Variants in PSMB11 observed in about 807,000 individuals in gnomAD.
The protein encoded by PSMB11 is proteasome subunit beta 11, also known as proteasome subunit beta type-11.
For synonymous variants in PSMB11, 163 were observed against 167.7 expected (o/e 0.97, Z 0.22); for missense variants, 411 against 408.2 (o/e 1.01, Z -0.06).
rs2047025095 is a variant in PSMB11 at position 23,043,382 on chromosome 14, A to C, written c.*254A>C. On this transcript the variant is annotated 3_prime_UTR_variant, in exon 1 of 1. Transcript: ENST00000408907. ...GCACCAAGTCCGTCTTTCATTCAAC[A>C]CTTGCAGTGTGCCTACTGCATGCCA... 1 of 478,458 alleles carries C rather than the reference A, an allele frequency of 2.1e-6. No individual in the cohort carries two copies. Among genetic ancestry groups the C allele is most frequent in the Non-Finnish European group, 3.8e-6 (1 of 259,900 alleles). The allele number at this position is 478,458 out of a possible 1,614,324, so 29.6% of individuals were successfully genotyped here. A position where few individuals can be genotyped will look rare whatever the true frequency, so the allele number is the denominator to read the frequency against.
rs543764726 is a variant in PSMB11 at position 23,043,649 on chromosome 14, C to G, written c.*521C>G. 4 of 168,710 alleles carry G rather than the reference C, an allele frequency of 2.4e-5. No homozygotes were observed. The South Asian group carries it at 8.2e-4, about 35-fold the overall frequency. The allele number at this position is 168,710 out of a possible 1,614,324, so 10.5% of individuals were successfully genotyped here. A position where few individuals can be genotyped will look rare whatever the true frequency, so the allele number is the denominator to read the frequency against. ...TGGTGATGGGCTTGTCTTATCTGCTCTCCTTCTCTGACTTGACCATCATGA... is the reference window on the plus strand; with the variant it reads ...TGGTGATGGGCTTGTCTTATCTGCTGTCCTTCTCTGACTTGACCATCATGA... On this transcript the variant is annotated 3_prime_UTR_variant, in exon 1 of 1. Coordinates refer to ENST00000408907, the MANE Select transcript of PSMB11 (RefSeq NM_001099780.2).
At position 23,042,412 on chromosome 14, in the gene PSMB11, G is replaced by A. The variant is rs2070552059; in HGVS notation, c.187G>A (p.Ala63Thr). 4 of 1,613,870 alleles carry A rather than the reference G, an allele frequency of 2.5e-6. No individual in the cohort carries two copies. The highest frequency in any genetic ancestry group is 3.4e-6 in the Non-Finnish European group (4 of 1,180,030). ...CTTCCGCTTCCGTCATGGAGTCATT[G>A]CTGCAGCTGACACGCGTTCCTCCTG... ...LAFRFRHGVI[A>T]AADTRSSCGS... The change falls in exon 1 of 1, where the codon GCT becomes ACT. Residue 63 changes from alanine (A) to threonine (T), a missense_variant. Coordinates refer to ENST00000408907, the MANE Select transcript of PSMB11 (RefSeq NM_001099780.2).
Position 23,042,781 on chromosome 14 carries a change from G to C in PSMB11, c.556G>C (p.Gly186Arg). The C allele has an allele frequency of 1.3e-5, 21 of 1,613,012 alleles. No homozygotes were observed. The highest frequency in any genetic ancestry group is 1.8e-5 in the Non-Finnish European group (21 of 1,179,992). ...GGGCTCTGGATCTCCCTATGCCTAC[G>C]GCGTGCTAGACCGTGGCTATCGCTA... ...SVGSGSPYAYGVLDRGYRYDM... is the reference protein window; with the variant it reads ...SVGSGSPYAYRVLDRGYRYDM... Residue 186 changes from glycine (G) to arginine (R), a missense_variant, in exon 1 of 1, where the codon GGC (glycine) becomes CGC (arginine). Physicochemically the swap from Gly to Arg is moderately radical, Grantham distance 125. Transcript: ENST00000408907.
rs1236759938 is a variant in PSMB11, at chr14:23,042,307, G to T, written c.82G>T (p.Ala28Ser). ...TCACCTGCCTCGGGCTGGCGGCTGGGCTGTGCCCCGGGGTTGTGACCCTCA... is the reference window on the plus strand; with the variant it reads ...TCACCTGCCTCGGGCTGGCGGCTGGTCTGTGCCCCGGGGTTGTGACCCTCA... Reference protein sequence around the residue: ...SPHLPRAGGWAVPRGCDPQTF... With the variant: ...SPHLPRAGGWSVPRGCDPQTF... The change falls in exon 1 of 1, where the codon GCT (alanine) becomes TCT (serine). Residue 28 changes from alanine to serine, a missense_variant. Ala to Ser is a moderately conservative substitution (Grantham distance 99). Transcript: ENST00000408907. 6.2e-7 allele frequency: 1 copy of T among 1,613,554 alleles called. No homozygotes were observed. The highest frequency in any genetic ancestry group is 1.1e-5 in the South Asian group (1 of 91,044).
At position 23,043,626 on chromosome 14, in the gene PSMB11, G is replaced by A; in HGVS notation, c.*498G>A. ...CGTAGTGATAGACACCCTTTGGATGGTGATGGGCTTGTCTTATCTGCTCTC... is the reference window on the plus strand; with the variant it reads ...CGTAGTGATAGACACCCTTTGGATGATGATGGGCTTGTCTTATCTGCTCTC... On this transcript the variant is annotated 3_prime_UTR_variant, in exon 1 of 1. Coordinates refer to ENST00000408907, the MANE Select transcript of PSMB11 (RefSeq NM_001099780.2). 1 of 170,000 alleles carries A rather than the reference G, an allele frequency of 5.9e-6. No homozygotes were observed. The highest frequency in any genetic ancestry group is 6.4e-5 in the Admixed American group (1 of 15,670). The allele number at this position is 170,000 out of a possible 1,614,324, so 10.5% of individuals were successfully genotyped here.
In PSMB11 at chr14:23,042,711, C is replaced by G. The variant is rs146768465; in HGVS notation, c.486C>G (p.Tyr162Ter). ...GWDRSGPELF[Y>*]VYSDGTRLQG... ...ACCGCTCTGGCCCTGAGCTCTTCTA[C>G]GTCTATAGCGACGGCACCCGCCTGC... The change falls in exon 1 of 1, where the codon TAC (tyrosine) becomes TAG (stop). Residue 162 changes from tyrosine to a stop codon, truncating the protein, a stop_gained. Transcript: ENST00000408907. LOFTEE classifies it low-confidence loss of function (END_TRUNC). 6.2e-7 allele frequency: 1 copy of G among 1,613,056 alleles called. No homozygotes were observed. The highest frequency in any genetic ancestry group is 8.5e-7 in the Non-Finnish European group (1 of 1,179,974).
In PSMB11 at chr14:23,042,232, C is replaced by G. The variant is rs267603946; in HGVS notation, c.7C>G (p.Leu3Val). The change falls in exon 1 of 1, where the codon CTG becomes GTG. Residue 3 changes from leucine (L) to valine (V), a missense_variant. Coordinates refer to ENST00000408907, the MANE Select transcript of PSMB11 (RefSeq NM_001099780.2). The stretch of plus-strand genomic sequence containing the variant: ...ACTTCATTCAGCCCCAGGGATGGCT[C>G]TGCAGGATGTGTGCAAGTGGCAGTC... MALQDVCKWQSPD... is the reference protein window; with the variant it reads MAVQDVCKWQSPD... The G allele has an allele frequency of 1.9e-6, 3 of 1,570,492 alleles. No individual in the cohort carries two copies. The highest frequency in any genetic ancestry group is 2.4e-5 in the South Asian group (2 of 83,278).
chr14:23,042,928 C>T lies in PSMB11; in HGVS notation c.703C>T (p.His235Tyr). 6.2e-7 allele frequency: 1 copy of T among 1,614,140 alleles called. No individual in the cohort carries two copies. Among genetic ancestry groups the T allele is most frequent in the Non-Finnish European group, 8.5e-7 (1 of 1,180,012 alleles). ...CCACGTGCGGGAGAGTGGATGGGAG[C>T]ATGTGTCACGCAGTGATGCCTGTGT... ...LFHVRESGWE[H>Y]VSRSDACVLY... The change falls in exon 1 of 1, where the codon CAT becomes TAT. Residue 235 changes from histidine (H) to tyrosine (Y), a missense_variant. Coordinates refer to ENST00000408907, the MANE Select transcript of PSMB11 (RefSeq NM_001099780.2).
chr14:23,042,929 A>G lies in PSMB11; in HGVS notation c.704A>G (p.His235Arg), dbSNP rs1566719226. The G allele has an allele frequency of 3.1e-6, 5 of 1,614,112 alleles. No individual in the cohort carries two copies. The highest frequency in any genetic ancestry group is 1.3e-5 in the African/African-American group (1 of 75,030). The change falls in exon 1 of 1, where the codon CAT becomes CGT. Residue 235 changes from histidine to arginine, a missense_variant. Coordinates refer to ENST00000408907, the MANE Select transcript of PSMB11 (RefSeq NM_001099780.2). ...CACGTGCGGGAGAGTGGATGGGAGC[A>G]TGTGTCACGCAGTGATGCCTGTGTG... ...LFHVRESGWE[H>R]VSRSDACVLY...
In PSMB11 at chr14:23,042,960, C is replaced by T. The variant is rs186544245; in HGVS notation, c.735C>T (p.Tyr245=). The T allele has an allele frequency of 1.5e-4, 238 of 1,614,074 alleles. No individual in the cohort carries two copies. The African/African-American group carries it at 1.8e-3, about 12-fold the overall frequency. Residue 245 remains tyrosine, a synonymous_variant, in exon 1 of 1, where the codon TAC becomes TAT. Transcript: ENST00000408907. The part of the protein sequence containing the change: ...HVSRSDACVL[Y]VELQKLLEPE... ...CACGCAGTGATGCCTGTGTGCTGTA[C>T]GTGGAGTTACAGAAGCTCCTGGAGC...
rs772243181 is a variant in PSMB11 at position 23,042,560 on chromosome 14, T to C, written c.335T>C (p.Leu112Pro). 1.3e-5 allele frequency: 21 copies of C among 1,614,194 alleles called. No homozygotes were observed. The South Asian group carries it at 2.1e-4, about 16-fold the overall frequency. Residue 112 changes from leucine to proline, a missense_variant, in exon 1 of 1, where the codon CTG becomes CCG. By Grantham distance (98) the Leu-to-Pro change is moderately conservative. Transcript: ENST00000408907. Reference sequence around the variant, plus strand: ...TGGTATCGGGTATTACAGCGGGAGCTGCGGCTTCGGGAACTGAGGGAGGGT... The same window carrying C: ...TGGTATCGGGTATTACAGCGGGAGCCGCGGCTTCGGGAACTGAGGGAGGGT... Reference protein sequence around the residue: ...ATWYRVLQRELRLRELREGQL... With the variant: ...ATWYRVLQREPRLRELREGQL...
In PSMB11 at chr14:23,042,318, G is replaced by T. The variant is rs1181544613; in HGVS notation, c.93G>T (p.Arg31=). The T allele has an allele frequency of 1.2e-6, 2 of 1,613,724 alleles. No homozygotes were observed. Among genetic ancestry groups the T allele is most frequent in the Admixed American group, 3.3e-5 (2 of 60,024 alleles). The change falls in exon 1 of 1, where the codon CGG becomes CGT. Residue 31 remains arginine (R), a synonymous_variant. Coordinates refer to ENST00000408907, the MANE Select transcript of PSMB11 (RefSeq NM_001099780.2). Reference sequence around the variant, plus strand: ...GGGCTGGCGGCTGGGCTGTGCCCCGGGGTTGTGACCCTCAAACCTTCCTGC... The same window carrying T: ...GGGCTGGCGGCTGGGCTGTGCCCCGTGGTTGTGACCCTCAAACCTTCCTGC... ...LPRAGGWAVP[R]GCDPQTFLQI... is the part of the protein sequence containing the mutation.
rs200420485 is a variant in PSMB11 at position 23,043,138 on chromosome 14, C to T, written c.*10C>T. ...GACTGAGACGGTGTGAGAAGCAGGACTTGGTTGGGGATGGTGTAGGCCTGG... is the reference window on the plus strand; with the variant it reads ...GACTGAGACGGTGTGAGAAGCAGGATTTGGTTGGGGATGGTGTAGGCCTGG... On this transcript the variant is annotated 3_prime_UTR_variant, in exon 1 of 1. Coordinates refer to ENST00000408907, the MANE Select transcript of PSMB11 (RefSeq NM_001099780.2). 2,954 of 1,594,376 alleles carry T rather than the reference C, an allele frequency of 1.9e-3. 4 individuals carry two copies. Among genetic ancestry groups the T allele is most frequent in the Non-Finnish European group, 2.4e-3 (2,783 of 1,167,806 alleles).
At position 23,042,280 on chromosome 14, in the gene PSMB11, C is replaced by G; in HGVS notation, c.55C>G (p.Pro19Ala). The G allele has an allele frequency of 6.2e-7, 1 of 1,610,612 alleles. No homozygotes were observed. The highest frequency in any genetic ancestry group is 8.5e-7 in the Non-Finnish European group (1 of 1,178,268). The change falls in exon 1 of 1, where the codon CCT (proline) becomes GCT (alanine). Residue 19 changes from proline (P) to alanine (A), a missense_variant. Pro to Ala is a conservative substitution (Grantham distance 27). Transcript: ENST00000408907. ...GTCCCCTGACACCCAGGGACCATCA[C>G]CTCACCTGCCTCGGGCTGGCGGCTG... ...WQSPDTQGPS[P>A]HLPRAGGWAV... is the part of the protein sequence containing the mutation.
At position 23,043,224 on chromosome 14, in the gene PSMB11, C is replaced by T; in HGVS notation, c.*96C>T. 2 of 834,006 alleles carry T rather than the reference C, an allele frequency of 2.4e-6. No homozygotes were observed. The highest frequency in any genetic ancestry group is 3.8e-6 in the Non-Finnish European group (2 of 532,228). 51.7% of individuals were successfully genotyped at this position (834,006 alleles called of 1,614,324 possible). A position where few individuals can be genotyped will look rare whatever the true frequency, so the allele number is the denominator to read the frequency against. ...CCCGCTGGCAGCAGCCTCACAGCGT[C>T]TGGCTCTAGCCTGTATGGGTTGCTG... On this transcript the variant is annotated 3_prime_UTR_variant, in exon 1 of 1. Transcript: ENST00000408907.
At position 23,043,074 on chromosome 14, in the gene PSMB11, A is replaced by G; in HGVS notation, c.849A>G (p.Pro283=). The G allele has an allele frequency of 6.2e-7, 1 of 1,613,616 alleles. No homozygotes were observed. Residue 283 remains proline (P), a synonymous_variant, in exon 1 of 1, where the codon CCA becomes CCG. Coordinates refer to ENST00000408907, the MANE Select transcript of PSMB11 (RefSeq NM_001099780.2). ...AAGATAGAGAGCTCTCTGTGGGGCC[A>G]GGGGAGGTGACACCAGGAGACTCCA... ...AAEDRELSVG[P]GEVTPGDSRM...
chr14:23,042,443 G>GC lies in PSMB11; in HGVS notation c.219dup (p.Tyr74LeufsTer86), dbSNP rs749837721. On this transcript the variant is annotated frameshift_variant, in exon 1 of 1. Transcript: ENST00000408907. LOFTEE classifies it low-confidence loss of function (END_TRUNC). Reference sequence around the variant, plus strand: ...GCTGACACGCGTTCCTCCTGTGGCAGCTATGTGGCGTGTCCAGCCTCATGC... The same window carrying GC: ...GCTGACACGCGTTCCTCCTGTGGCAGCCTATGTGGCGTGTCCAGCCTCATGC... 6.2e-7 allele frequency: 1 copy of GC among 1,614,052 alleles called. No homozygotes were observed. The highest frequency in any genetic ancestry group is 1.1e-5 in the South Asian group (1 of 91,086).
Position 23,042,720 on chromosome 14 carries a change from C to T in PSMB11, c.495C>T (p.Ser165=), listed in dbSNP as rs750691161. Residue 165 remains serine, a synonymous_variant, in exon 1 of 1, where the codon AGC becomes AGT. Transcript: ENST00000408907. The part of the protein sequence containing the change: ...RSGPELFYVY[S]DGTRLQGDIF... ...GCCCTGAGCTCTTCTACGTCTATAG[C>T]GACGGCACCCGCCTGCAGGGGGACA... The T allele has an allele frequency of 8.0e-5, 129 of 1,612,648 alleles. 1 individual carries two copies. In the South Asian group the frequency reaches 9.6e-4, roughly 12 times the overall value.
chr14:23,043,567 A>C lies in PSMB11; in HGVS notation c.*439A>C. 5.7e-6 allele frequency: 1 copy of C among 174,752 alleles called. No homozygotes were observed. The highest frequency in any genetic ancestry group is 1.4e-5 in the Non-Finnish European group (1 of 73,244). The allele number at this position is 174,752 out of a possible 1,614,324, so 10.8% of individuals were successfully genotyped here. A position where few individuals can be genotyped will look rare whatever the true frequency, so the allele number is the denominator to read the frequency against. On this transcript the variant is annotated 3_prime_UTR_variant, in exon 1 of 1. Transcript: ENST00000408907. ...CTTTGTCAGCATGGTAAGATGGGGC[A>C]CCCGGGAAGGGAGCAGCCCCTCTCA... is the stretch of plus-strand genomic sequence containing the variant.
Sources: allele counts gnomAD v4.1 joint callset, GRCh38; gene constraint gnomAD v4.1.1; transcripts MANE v1.5; gene names NCBI Gene and HGNC (gene_info 2026-07-23, HGNC 2026-07-21).